CDK14: variants seen among roughly 807,000 people sequenced by gnomAD.
The protein encoded by CDK14 is cyclin dependent kinase 14, also known as cyclin-dependent kinase 14.
A neutral mutation model predicts 60.7 loss-of-function variants in CDK14; 34 were observed. That is an observed-to-expected ratio of 0.56 (90% CI 0.43 to 0.75). CDK14 has a LOEUF of 0.75. CDK14 is among the 30% of genes least tolerant of loss of function. CDK14 has a pLI of 0.00. For synonymous variants in CDK14, 197 were observed against 203.7 expected (o/e 0.97, Z 0.28); for missense variants, 482 against 564.1 (o/e 0.85, Z 1.47).
chr7:91,062,073 GT>G (rs1034971335), intron 11 of CDK14, among the ~76,000 whole-genome samples: 2 of 152,162 alleles, frequency 1.3e-5, no homozygotes, highest in African/African-American at 4.8e-5. Flanking sequence ...TGGCTGCTTT[GT>G]TTACCTACTC....
chr7:90,853,540 TCA>T (rs897352790), intron 5 of CDK14, among the ~76,000 whole-genome samples: 2 of 151,818 alleles, frequency 1.3e-5, no homozygotes, highest in Non-Finnish European at 2.9e-5. Context: ...ACACACACAC[TCA>T]CACACACCAT....
intron 12 of CDK14, among the ~76,000 whole-genome samples, chr7:91,094,132 C>A (rs1269234280): frequency 6.6e-6 from 1 of 151,988 alleles, no homozygotes; most frequent in Non-Finnish European, 1.5e-5. Flanking sequence ...ATGCAATTTA[C>A]CCATGTAACA....
intron 6 of CDK14, among the ~76,000 whole-genome samples, chr7:90,877,623 T>C (rs1791605738): frequency 6.6e-6 from 1 of 152,106 alleles, no homozygotes; most frequent in Non-Finnish European, 1.5e-5. Context: ...CCTTTTTACT[T>C]GGATAAGGAA....
chr7:91,063,653 A>G (rs564972171), intron 11 of CDK14, among the ~76,000 whole-genome samples: 22 of 152,342 alleles, frequency 1.4e-4, no homozygotes, highest in Non-Finnish European at 2.5e-4. Flanking sequence ...CTAGTGTATT[A>G]GAATCACAGG....
rs559821827 is a variant in CDK14, at chr7:90,836,849, T to C, written c.545-26326T>C. On this transcript the variant is annotated intron_variant, in intron 5 of 14. Transcript: ENST00000380050. ...AGGGGCTAGACATTTTTAAGCTCTA[T>C]CATAATCTTATGTGACCATCGTCAT... 9.1e-4 allele frequency among the ~76,000 whole-genome samples: 138 copies of C among 152,320 alleles called. 1 individual carries two copies. The highest frequency in any genetic ancestry group is 3.2e-3 in the African/African-American group (135 of 41,568).
At chr7:90,964,697 A>G (rs1388091117) in intron 9 of CDK14, among the ~76,000 whole-genome samples, 2 of 152,130 alleles carry the variant, frequency 1.3e-5, no homozygotes, top group Non-Finnish European at 2.9e-5. Flanking sequence ...ATTGCTATTC[A>G]TTGATTTACT....
chr7:90,725,367 G>A (rs59580002), intron 2 of CDK14, among the ~76,000 whole-genome samples: 11,027 of 152,098 alleles, frequency 0.072, 507 homozygotes, highest in South Asian at 0.11. Context: ...ATCTGTGTCT[G>A]TATTTATATC....
chr7:90,849,369 C>T (rs1197852537), intron 5 of CDK14, among the ~76,000 whole-genome samples: 3 of 152,008 alleles, frequency 2.0e-5, no homozygotes, highest in Non-Finnish European at 4.4e-5. Flanking sequence ...GAATTGTGAA[C>T]CACATAAACC....
intron 3 of CDK14, among the ~76,000 whole-genome samples, chr7:90,737,844 T>C (rs1803184747): frequency 6.6e-6 from 1 of 152,202 alleles, no homozygotes. Context: ...TGATTCTCCA[T>C]TGTGGTTTTC....
At chr7:90,976,388 C>T (rs1040600724) in intron 9 of CDK14, among the ~76,000 whole-genome samples, 1 of 152,018 alleles carries the variant, frequency 6.6e-6, no homozygotes, top group African/African-American at 2.4e-5. Context: ...CAGGGTCCTT[C>T]TCTGTCACTT....
At chr7:90,892,935 C>T (rs144583041) in intron 6 of CDK14, among the ~76,000 whole-genome samples, 170 of 152,276 alleles carry the variant, frequency 1.1e-3, no homozygotes, top group African/African-American at 3.7e-3. Context: ...TGCACCACCA[C>T]ACCCGGCTGA....
intron 2 of CDK14, among the ~76,000 whole-genome samples, chr7:90,611,449 C>T (rs909180323): frequency 6.6e-6 from 1 of 152,192 alleles, no homozygotes; most frequent in Non-Finnish European, 1.5e-5. Flanking sequence ...TTCTCTTGTT[C>T]CTCTCTCTGC....
At chr7:90,940,229 A>G in intron 8 of CDK14, among the ~76,000 whole-genome samples, 1 of 152,160 alleles carries the variant, frequency 6.6e-6, no homozygotes, top group East Asian at 1.9e-4. Context: ...GCATCTTTCC[A>G]GAGATCCAAT....
intron 5 of CDK14, among the ~76,000 whole-genome samples, chr7:90,832,390 G>C (rs1360816546): frequency 3.3e-5 from 5 of 152,112 alleles, no homozygotes; most frequent in African/African-American, 1.2e-4. Context: ...TTACACATAA[G>C]AGACCCCAAT....
intron 4 of CDK14, among the ~76,000 whole-genome samples, chr7:90,782,967 T>A (rs933674826): frequency 6.6e-6 from 1 of 152,154 alleles, no homozygotes; most frequent in Non-Finnish European, 1.5e-5. Flanking sequence ...CCTGGATGAT[T>A]ACTGAGGTTA....
At chr7:90,922,451 G>T (rs1380227766) in intron 8 of CDK14, among the ~76,000 whole-genome samples, 1 of 151,890 alleles carries the variant, frequency 6.6e-6, no homozygotes, top group Non-Finnish European at 1.5e-5. Flanking sequence ...TTTCTCTAGG[G>T]AATGTCATTA....
chr7:91,063,792 T>C (rs1264051582), intron 11 of CDK14, among the ~76,000 whole-genome samples: 1 of 152,234 alleles, frequency 6.6e-6, no homozygotes, highest in Non-Finnish European at 1.5e-5. Context: ...GCTTTCTATA[T>C]ACCATATGTC....
chr7:90,651,239 C>G (rs1800632230), intron 2 of CDK14, among the ~76,000 whole-genome samples: 1 of 152,156 alleles, frequency 6.6e-6, no homozygotes, highest in Non-Finnish European at 1.5e-5. Flanking sequence ...GGAGTTCACT[C>G]ATGATTTGTC....
chr7:91,011,460 T>C (rs1323420264), intron 10 of CDK14, among the ~76,000 whole-genome samples: 4 of 152,176 alleles, frequency 2.6e-5, no homozygotes, highest in Non-Finnish European at 5.9e-5. Context: ...GTTCAGTAAG[T>C]TTCTGGATGT....
Sources: allele counts gnomAD v4.1 joint callset (sites outside exome capture counted in the v4.1 genomes callset), GRCh38; gene constraint gnomAD v4.1.1; transcripts MANE v1.5; gene names NCBI Gene and HGNC (gene_info 2026-07-23, HGNC 2026-07-21).